Variants in MYO16 observed in about 807,000 individuals in gnomAD.
The protein encoded by MYO16 is myosin XVI.
A neutral mutation model predicts 205.3 loss-of-function variants in MYO16; 94 were observed. That is an observed-to-expected ratio of 0.46 (90% CI 0.39 to 0.54). The LOEUF is 0.54. Among genes scored for constraint, MYO16 ranks in the 20% least tolerant of loss-of-function variants. The pLI is 0.00. For synonymous variants in MYO16, 988 were observed against 954.0 expected (o/e 1.04, Z -0.66); for missense variants, 2,315 against 2,387.5 (o/e 0.97, Z 0.63).
intron 4 of MYO16, among the ~76,000 whole-genome samples, chr13:108,777,046 T>C (rs1326402066): frequency 6.6e-6 from 1 of 152,114 alleles, no homozygotes; most frequent in Non-Finnish European, 1.5e-5. Flanking sequence ...ACATGCAAAG[T>C]GCCATGAGTC....
At chr13:108,523,516 G>A in the MYO16 span, among the ~76,000 whole-genome samples, 1 of 152,130 alleles carries the variant, frequency 6.6e-6, no homozygotes, top group Non-Finnish European at 1.5e-5. Context: ...TTATTCTGCA[G>A]ACCACAAACC....
intron 1 of MYO16, among the ~76,000 whole-genome samples, chr13:108,659,562 A>G (rs1357846282): frequency 6.6e-6 from 1 of 152,130 alleles, no homozygotes; most frequent in Non-Finnish European, 1.5e-5. Flanking sequence ...CATTACAAAG[A>G]TGAGCTTCAT....
chr13:108,887,266 CA>C (rs1158824059), intron 13 of MYO16, among the ~76,000 whole-genome samples: 1 of 151,996 alleles, frequency 6.6e-6, no homozygotes, highest in African/African-American at 2.4e-5. Context: ...TGGAAGCATC[CA>C]TTAACGACTC....
intron 16 of MYO16, among the ~76,000 whole-genome samples, chr13:108,911,034 A>AACAC (rs113296282): frequency 0.033 from 4,601 of 138,468 alleles, 92 homozygotes; most frequent in Non-Finnish European, 0.039. Context: ...TATAGGAGAA[A>AACAC]ACACACACAC....
In MYO16 at chr13:109,052,374, C is replaced by T. The variant is rs866631261; in HGVS notation, c.2947C>T (p.Pro983Ser). Residue 983 changes from proline (P) to serine (S), a missense_variant, in exon 25 of 35, where the codon CCT becomes TCT. Around this residue, in one of 3 missense-constraint regions of MYO16, gnomAD observed 1,213 missense variants for 1,274.4 expected, o/e 0.95. Coordinates refer to ENST00000457511, the MANE Select transcript of MYO16 (RefSeq NM_001198950.3). ...SQTGSLVSAY[P>S]SFKFRGHKSA... ...AACAGGATCCCTCGTATCTGCCTATCCTTCCTTTAAATTCCGAGGACATAA... is the reference window on the plus strand; with the variant it reads ...AACAGGATCCCTCGTATCTGCCTATTCTTCCTTTAAATTCCGAGGACATAA... 6.2e-7 allele frequency: 1 copy of T among 1,612,762 alleles called. No homozygotes were observed. The highest frequency in any genetic ancestry group is 1.6e-4 in the Middle Eastern group (1 of 6,062).
chr13:108,744,041 G>A (rs1289356324), intron 4 of MYO16, among the ~76,000 whole-genome samples: 2 of 152,184 alleles, frequency 1.3e-5, no homozygotes, highest in Non-Finnish European at 2.9e-5. Flanking sequence ...ATGGTTCAAG[G>A]TAAGTCTAAT....
chr13:108,503,782 C>T, the MYO16 span, among the ~76,000 whole-genome samples: 1 of 151,914 alleles, frequency 6.6e-6, no homozygotes, highest in South Asian at 2.1e-4. Flanking sequence ...CTTTTTAAAC[C>T]TTTAAAACAT....
chr13:108,875,166 G>T (rs1879265481), intron 12 of MYO16, among the ~76,000 whole-genome samples: 1 of 152,150 alleles, frequency 6.6e-6, no homozygotes, highest in East Asian at 1.9e-4. Context: ...AGCTAAAATG[G>T]AGTGTTTAAA....
intron 13 of MYO16, among the ~76,000 whole-genome samples, chr13:108,884,355 T>C (rs953207407): frequency 6.6e-6 from 1 of 152,262 alleles, no homozygotes; most frequent in African/African-American, 2.4e-5. Flanking sequence ...TCGTGCTGGG[T>C]TCAGATGCAT....
At chr13:108,626,332 T>A (rs867433086), upstream of MYO16, among the ~76,000 whole-genome samples, 2 of 152,184 alleles carry the variant, frequency 1.3e-5, no homozygotes, top group Admixed American at 1.3e-4. Context: ...AATAATAAAA[T>A]AATTGTGCTT....
intron 16 of MYO16, among the ~76,000 whole-genome samples, chr13:108,924,503 GA>G (rs1361613568): frequency 1.3e-5 from 2 of 152,178 alleles, no homozygotes; most frequent in Non-Finnish European, 2.9e-5. Context: ...ACTTCAATAG[GA>G]AGAAATGATC....
chr13:108,871,055 C>G (rs868689616), intron 12 of MYO16, among the ~76,000 whole-genome samples: 5 of 152,086 alleles, frequency 3.3e-5, no homozygotes, highest in African/African-American at 1.2e-4. Flanking sequence ...TTTTGTTTCT[C>G]TTTGACCACA....
chr13:108,504,018 A>C, the MYO16 span, among the ~76,000 whole-genome samples: 1 of 152,130 alleles, frequency 6.6e-6, no homozygotes, highest in African/African-American at 2.4e-5. Context: ...GTGGTAAAAA[A>C]CACAACAAAA....
intron 2 of MYO16, among the ~76,000 whole-genome samples, chr13:108,692,944 GC>G (rs1036434770): frequency 1.5e-4 from 23 of 152,030 alleles, no homozygotes; most frequent in African/African-American, 4.8e-4. Flanking sequence ...TGAACTTAAA[GC>G]CACTCTCACG....
Position 108,668,662 on chromosome 13 carries a change from C to T in MYO16, c.292+2513C>T, listed in dbSNP as rs187596852. On this transcript the variant is annotated intron_variant, in intron 2 of 34. Transcript: ENST00000457511. ...GGGGCAGGGACAGTGCTCCTTCTCA[C>T]GCTTCAGTTTGCCTGTTTCTTTGTC... Among the ~76,000 whole-genome samples the T allele has an allele frequency of 2.5e-4, 38 of 152,264 alleles. No individual in the cohort carries two copies. The East Asian group carries it at 5.2e-3, about 21-fold the overall frequency.
chr13:108,924,577 G>A lies in MYO16; in HGVS notation c.1925+14427G>A, dbSNP rs7332390. 4.8e-3 allele frequency among the ~76,000 whole-genome samples: 727 copies of A among 152,292 alleles called. 7 individuals are homozygous for A. Among genetic ancestry groups the A allele is most frequent in the African/African-American group, 0.017 (703 of 41,550 alleles). On this transcript the variant is annotated intron_variant, in intron 16 of 34. Coordinates refer to ENST00000457511, the MANE Select transcript of MYO16 (RefSeq NM_001198950.3). ...GTACGAATGGAATCGCTTAGATCCA[G>A]ATTCAGTAGAACCATGTTCCCAGAC...
At chr13:109,072,801 A>T (rs943210255) in intron 27 of MYO16, among the ~76,000 whole-genome samples, 2 of 152,172 alleles carry the variant, frequency 1.3e-5, no homozygotes, top group Admixed American at 1.3e-4. Context: ...AAAAAACAAG[A>T]TTATGTCTTA....
At chr13:108,859,622 A>G (rs1878360051) in intron 11 of MYO16, among the ~76,000 whole-genome samples, 1 of 152,166 alleles carries the variant, frequency 6.6e-6, no homozygotes, top group Admixed American at 6.5e-5. Context: ...CAAACAGAAA[A>G]TGAAATGCGT....
intron 32 of MYO16, among the ~76,000 whole-genome samples, chr13:109,160,898 C>T (rs1043598426): frequency 7.2e-5 from 11 of 152,198 alleles, no homozygotes; most frequent in Admixed American, 5.9e-4. Flanking sequence ...GTAATTCCCT[C>T]ACTGCTGAAG....
Sources: allele counts gnomAD v4.1 joint callset (sites outside exome capture counted in the v4.1 genomes callset), GRCh38; gene constraint gnomAD v4.1.1; regional missense constraint gnomAD v4.1.1; transcripts MANE v1.5; gene names NCBI Gene and HGNC (gene_info 2026-07-23, HGNC 2026-07-21).